The following FBXL17 variants were observed in gnomAD, a reference collection of about 807,000 sequenced individuals.
FBXL17 encodes the protein F-box/LRR-repeat protein 17.
In FBXL17, 22 loss-of-function variants were observed where a neutral mutation model predicts 66.2. The observed-to-expected ratio is 0.33, with a 90% CI of 0.24 to 0.47. The LOEUF (loss-of-function observed/expected upper bound fraction) is 0.47, where lower values mean the gene tolerates loss of function less well. Among genes scored for constraint, FBXL17 ranks in the 20% least tolerant of loss-of-function variants. FBXL17 has a pLI of 1.00. For missense variants in FBXL17, 878 were observed against 948.2 expected (o/e 0.93, Z 0.97); for synonymous variants, 474 against 400.5 (o/e 1.18, Z -2.19).
intron 5 of FBXL17, among the ~76,000 whole-genome samples, chr5:108,194,796 A>G (rs1753613859): frequency 6.6e-6 from 1 of 152,204 alleles, no homozygotes; most frequent in South Asian, 2.1e-4. Context: ...AACATAAAAA[A>G]GAAGATTGAC....
rs1748129528 is a variant in FBXL17 at position 107,861,755 on chromosome 5, C to G, written c.2071G>C (p.Gly691Arg). ...KRTLERAYQM[G>R]WTPNMSAASS Reference sequence around the variant, plus strand: ...GCGGCAGACATGTTGGGGGTCCAGCCCATCTGATAGGCTCTCTCCAAGGTC... The same window carrying G: ...GCGGCAGACATGTTGGGGGTCCAGCGCATCTGATAGGCTCTCTCCAAGGTC... The change falls in exon 9 of 9, where the codon GGC becomes CGC. Residue 691 changes from glycine (G) to arginine (R), a missense_variant. Physicochemically the swap from Gly to Arg is moderately radical, Grantham distance 125 (BLOSUM62 -2). This residue lies in a region of FBXL17 where 31 missense variants were observed against 27.0 expected (regional missense o/e 1.15). Transcript: ENST00000542267. 6.3e-7 allele frequency: 1 copy of G among 1,585,272 alleles called. No homozygotes were observed. The highest frequency in any genetic ancestry group is 1.4e-5 in the African/African-American group (1 of 73,882).
At chr5:108,296,286 A>G (rs1256733231) in intron 4 of FBXL17, among the ~76,000 whole-genome samples, 1 of 151,876 alleles carries the variant, frequency 6.6e-6, no homozygotes, top group Non-Finnish European at 1.5e-5. Context: ...AAGGGGAATC[A>G]GGATATGATT....
intron 7 of FBXL17, among the ~76,000 whole-genome samples, chr5:107,906,379 A>T (rs1444643266): frequency 3.9e-5 from 6 of 152,220 alleles, no homozygotes; most frequent in African/African-American, 1.4e-4. Flanking sequence ...CACTGTTATG[A>T]AAAGCACTTT....
At chr5:108,026,045 A>C (rs1362772397) in intron 6 of FBXL17, among the ~76,000 whole-genome samples, 1 of 152,186 alleles carries the variant, frequency 6.6e-6, no homozygotes, top group African/African-American at 2.4e-5. Flanking sequence ...AAAATGCACA[A>C]TATAAAAGAT....
rs528775836 is a variant in FBXL17 at position 107,985,740 on chromosome 5, A to G, written c.1822+35185T>C. ...GAACTCTTAATGTTTTCTATTTGTC[A>G]AAAAACAATAACACCATGCAAGAGG... On this transcript the variant is annotated intron_variant, in intron 7 of 8. Transcript: ENST00000542267. 1.1e-3 allele frequency among the ~76,000 whole-genome samples: 160 copies of G among 152,310 alleles called. 1 individual carries two copies. The highest frequency in any genetic ancestry group is 3.8e-3 in the African/African-American group (157 of 41,572).
At chr5:108,224,068 C>T in intron 5 of FBXL17, 53 bp downstream of exon 5, 1 of 858,018 alleles carries the variant, frequency 1.2e-6, no homozygotes, top group African/African-American at 1.7e-5. Flanking sequence ...ATTTAGGGCT[C>T]ATCACCTGTA....
At chr5:107,930,699 C>A (rs540024015) in intron 7 of FBXL17, among the ~76,000 whole-genome samples, 2 of 152,274 alleles carry the variant, frequency 1.3e-5, no homozygotes, top group South Asian at 2.1e-4. Flanking sequence ...AATAGAGGAT[C>A]TAGCAGGTTC....
chr5:107,894,449 C>G (rs953743845), intron 7 of FBXL17, among the ~76,000 whole-genome samples: 1 of 152,116 alleles, frequency 6.6e-6, no homozygotes, highest in Non-Finnish European at 1.5e-5. Context: ...ACCTGCCTGA[C>G]ATCAATTCTC....
chr5:108,129,801 G>A (rs1254143786), intron 6 of FBXL17, among the ~76,000 whole-genome samples: 3 of 151,798 alleles, frequency 2.0e-5, no homozygotes, highest in African/African-American at 7.2e-5. Context: ...TTATTGGCAG[G>A]TAAACTAAGA....
chr5:108,222,423 T>TA (rs1754905055), intron 5 of FBXL17, among the ~76,000 whole-genome samples: 2 of 152,104 alleles, frequency 1.3e-5, no homozygotes, highest in Admixed American at 1.3e-4. Flanking sequence ...GGAAATGAAT[T>TA]AAAAATTATG....
intron 8 of FBXL17, among the ~76,000 whole-genome samples, chr5:107,866,082 A>G (rs1279931048): frequency 1.2e-5 from 1 of 82,326 alleles, no homozygotes; most frequent in Non-Finnish European, 2.4e-5. Context: ...AACATTAAAG[A>G]TGAAGTTTTT....
chr5:107,871,931 T>C (rs1748470086), intron 8 of FBXL17, among the ~76,000 whole-genome samples: 1 of 152,222 alleles, frequency 6.6e-6, no homozygotes, highest in African/African-American at 2.4e-5. Context: ...TGTTTTCTTT[T>C]GTGCATAATG....
chr5:108,076,440 A>G (rs1162948009), intron 6 of FBXL17, among the ~76,000 whole-genome samples: 1 of 152,248 alleles, frequency 6.6e-6, no homozygotes, highest in African/African-American at 2.4e-5. Context: ...AGTTAACATT[A>G]TAATAAGTAT....
chr5:108,343,424 C>T (rs1262064916), intron 4 of FBXL17, among the ~76,000 whole-genome samples: 1 of 152,078 alleles, frequency 6.6e-6, no homozygotes, highest in Non-Finnish European at 1.5e-5. Flanking sequence ...ACCCTTTGTA[C>T]AAAATCCCTC....
chr5:107,880,682 A>G (rs1580676557), intron 8 of FBXL17: 1 of 1,231,250 alleles, frequency 8.1e-7, no homozygotes, highest in East Asian at 3.3e-5. Flanking sequence ...CTTGAAACCC[A>G]GAATACAATT....
At chr5:107,884,025 G>T (rs1351536852) in intron 7 of FBXL17, among the ~76,000 whole-genome samples, 1 of 152,132 alleles carries the variant, frequency 6.6e-6, no homozygotes. Flanking sequence ...ACAAGAAAGT[G>T]GGAAGACTCA....
At position 107,897,453 on chromosome 5, in the gene FBXL17, AC is replaced by A. The variant is rs548156108; in HGVS notation, c.1823-16275del. Among the ~76,000 whole-genome samples, 1,255 of 152,174 alleles carry A rather than the reference AC, an allele frequency of 8.2e-3. 27 individuals carry two copies. Among genetic ancestry groups the A allele is most frequent in the African/African-American group, 0.028 (1,167 of 41,518 alleles). On this transcript the variant is annotated intron_variant, in intron 7 of 8. Transcript: ENST00000542267. ...CAGCAAGAAAGCCTGGATAATGACA[AC>A]CCTTTTTCTGGACTGGATCCTTGGA...
chr5:108,035,627 A>G (rs1746812740), intron 6 of FBXL17, among the ~76,000 whole-genome samples: 1 of 152,150 alleles, frequency 6.6e-6, no homozygotes, highest in African/African-American at 2.4e-5. Context: ...TCGGCCTCCC[A>G]AAGTGCTAGG....
At chr5:108,334,480 T>C (rs1052686218) in intron 4 of FBXL17, among the ~76,000 whole-genome samples, 2 of 152,178 alleles carry the variant, frequency 1.3e-5, no homozygotes, top group Non-Finnish European at 2.9e-5. Context: ...ACAACGCCTA[T>C]GGGCCATGCG....
Sources: allele counts gnomAD v4.1 joint callset (sites outside exome capture counted in the v4.1 genomes callset), GRCh38; gene constraint gnomAD v4.1.1; regional missense constraint gnomAD v4.1.1; transcripts MANE v1.5; gene names NCBI Gene and HGNC (gene_info 2026-07-23, HGNC 2026-07-21).